VWDE: variants seen among roughly 807,000 people sequenced by gnomAD.
VWDE encodes the protein von Willebrand factor D and EGF domains.
A neutral mutation model predicts 178.4 loss-of-function variants in VWDE; 207 were observed. That is an observed-to-expected ratio of 1.16 (90% CI 1.04 to 1.30). The LOEUF (loss-of-function observed/expected upper bound fraction) is 1.30. Among genes scored for constraint, VWDE ranks in the 50% most tolerant of loss-of-function variants. VWDE has a pLI of 0.00. For synonymous variants in VWDE, 738 were observed against 651.4 expected (o/e 1.13, Z -2.02); for missense variants, 2,287 against 1,901.3 (o/e 1.20, Z -3.77).
intron 13 of VWDE, among the ~76,000 whole-genome samples, chr7:12,364,119 G>A (rs1782728803): frequency 6.6e-6 from 1 of 151,994 alleles, no homozygotes; most frequent in Non-Finnish European, 1.5e-5. Flanking sequence ...AAAGGAGAAG[G>A]CTAGAATGAA....
intron 2 of VWDE, among the ~76,000 whole-genome samples, chr7:12,391,498 G>A (rs1164011837): frequency 6.6e-6 from 1 of 152,150 alleles, no homozygotes; most frequent in Non-Finnish European, 1.5e-5. Context: ...TTCGTGTGAG[G>A]TTCTAGAAAC....
chr7:12,355,037 T>G (rs1782150605), intron 18 of VWDE, among the ~76,000 whole-genome samples: 1 of 152,156 alleles, frequency 6.6e-6, no homozygotes, highest in Admixed American at 6.5e-5. Flanking sequence ...ATACTAAAAT[T>G]TATGAGGCAA....
In VWDE at chr7:12,389,148, A is replaced by G; in HGVS notation, c.454T>C (p.Cys152Arg). 6.4e-7 allele frequency: 1 copy of G among 1,550,640 alleles called. No homozygotes were observed. Among genetic ancestry groups the G allele is most frequent in the Non-Finnish European group, 8.7e-7 (1 of 1,145,658 alleles). The change falls in exon 3 of 29, where the codon TGT (cysteine) becomes CGT (arginine). Residue 152 changes from cysteine to arginine, a missense_variant. Coordinates refer to ENST00000275358, the MANE Select transcript of VWDE (RefSeq NM_001135924.3). ...TTACCTTCCGCACAGTAGCCCATAC[A>G]TCCCTGAGTTGGTTGTAGTAAGTAT... is the stretch of plus-strand genomic sequence containing the variant. ...SVYLLQPTQG[C>R]MGYCAEAISD...
At chr7:12,364,009 A>G (rs979874086) in intron 13 of VWDE, among the ~76,000 whole-genome samples, 2 of 152,044 alleles carry the variant, frequency 1.3e-5, no homozygotes, top group African/African-American at 4.8e-5. Context: ...AGAATTTCTG[A>G]AACTGACTTA....
In VWDE at chr7:12,370,028, G is replaced by T; in HGVS notation, c.2278C>A (p.Pro760Thr). 6.4e-7 allele frequency: 1 copy of T among 1,551,490 alleles called. No homozygotes were observed. The highest frequency in any genetic ancestry group is 1.4e-5 in the African/African-American group (1 of 73,114). Reference protein sequence around the residue: ...WKRQNFHEFPPLFAFPSLSQT... With the variant: ...WKRQNFHEFPTLFAFPSLSQT... ...CTGAGACTCGGGAAAGCAAACAAAGGAGGAAACTCATGAAAGTTCTGCCGT... is the reference window on the plus strand; with the variant it reads ...CTGAGACTCGGGAAAGCAAACAAAGTAGGAAACTCATGAAAGTTCTGCCGT... Residue 760 changes from proline to threonine, a missense_variant, in exon 12 of 29, where the codon CCT becomes ACT. Pro to Thr is a conservative substitution (Grantham distance 38, BLOSUM62 -1). Coordinates refer to ENST00000275358, the MANE Select transcript of VWDE (RefSeq NM_001135924.3).
chr7:12,380,614 C>A lies in VWDE; in HGVS notation c.661G>T (p.Val221Leu), dbSNP rs1783798381. Residue 221 changes from valine to leucine, a missense_variant, in exon 5 of 29, where the codon GTG becomes TTG. Physicochemically the swap from Val to Leu is conservative, Grantham distance 32. Coordinates refer to ENST00000275358, the MANE Select transcript of VWDE (RefSeq NM_001135924.3). Reference protein sequence around the residue: ...SFDVPATKNSVGFHIAWSRLS... With the variant: ...SFDVPATKNSLGFHIAWSRLS... Reference sequence around the variant, plus strand: ...CTAGACCAAGCTATGTGAAATCCCACTGAGTTTTTTGTAGCGGGAACATCA... The same window carrying A: ...CTAGACCAAGCTATGTGAAATCCCAATGAGTTTTTTGTAGCGGGAACATCA... The A allele has an allele frequency of 6.4e-7, 1 of 1,552,216 alleles. No individual in the cohort carries two copies. The highest frequency in any genetic ancestry group is 8.7e-7 in the Non-Finnish European group (1 of 1,147,146).
At chr7:12,368,485 C>A (rs1782980622) in intron 12 of VWDE, among the ~76,000 whole-genome samples, 1 of 151,970 alleles carries the variant, frequency 6.6e-6, no homozygotes, top group Non-Finnish European at 1.5e-5. Context: ...AGTGCAAAGA[C>A]CCTGAGGTGG....
intron 10 of VWDE, 33 bp from the exon 11 acceptor site, chr7:12,370,897 A>C (rs779101049): frequency 6.9e-7 from 1 of 1,453,252 alleles, no homozygotes; most frequent in South Asian, 1.4e-5. Context: ...GAAATAAAAG[A>C]TGTTGAAGCA....
In VWDE at chr7:12,337,211, A is replaced by T. The variant is rs1300530001; in HGVS notation, c.4428T>A (p.Cys1476Ter). Residue 1476 changes from cysteine to a stop codon, truncating the protein, a stop_gained, in exon 25 of 29, where the codon TGT (cysteine) becomes TGA (stop). Coordinates refer to ENST00000275358, the MANE Select transcript of VWDE (RefSeq NM_001135924.3). LOFTEE classifies it high-confidence loss of function. ...GHCMRNNVCVCREGYTGRRFQ... is the reference protein window; with the variant it reads ...GHCMRNNVCV ...ATCTCCTACCAGTGTATCCTTCACG[A>T]CAGACGCACACATTATTTCTCATGC... 6.4e-7 allele frequency: 1 copy of T among 1,552,008 alleles called. No individual in the cohort carries two copies. The highest frequency in any genetic ancestry group is 8.7e-7 in the Non-Finnish European group (1 of 1,147,042).
intron 13 of VWDE, 29 bp downstream of exon 13, chr7:12,367,328 A>G (rs760430814): frequency 6.0e-6 from 9 of 1,505,500 alleles, no homozygotes; most frequent in Admixed American, 4.6e-5. Flanking sequence ...CATACACTCT[A>G]TTGTTTCTGA....
Position 12,342,973 on chromosome 7 carries a change from C to A in VWDE, c.4174+110G>T, listed in dbSNP as rs1781408741. ...TTGCGATAGTTTACAAGAACTATCA[C>A]AATGTGTGTTCTTTACGTAGAGTTT... On this transcript the variant is annotated intron_variant, in intron 22 of 28. Coordinates refer to ENST00000275358, the MANE Select transcript of VWDE (RefSeq NM_001135924.3). The A allele has an allele frequency of 1.4e-5, 10 of 721,624 alleles. No individual in the cohort carries two copies. In the South Asian group the frequency reaches 2.0e-4, roughly 14 times the overall value. The allele number at this position is 721,624 out of a possible 1,614,324, so 44.7% of individuals were successfully genotyped here.
At position 12,337,176 on chromosome 7, in the gene VWDE, C is replaced by A. The variant is rs1475044967; in HGVS notation, c.4462+1G>T. 1 of 1,551,636 alleles carries A rather than the reference C, an allele frequency of 6.4e-7. No individual in the cohort carries two copies. Among genetic ancestry groups the A allele is most frequent in the South Asian group, 1.2e-5 (1 of 84,042 alleles). ...GACAAATACATTTAGTGATGTCTTA[C>A]TTTTTTGGAATCTCCTACCAGTGTA... On this transcript the variant is annotated splice_donor_variant, in intron 25 of 28. Transcript: ENST00000275358. LOFTEE classifies it high-confidence loss of function.
chr7:12,370,272 G>A lies in VWDE; in HGVS notation c.2034C>T (p.Val678=), dbSNP rs781336462. ...TSEYINSDTL[V]REINKHTSPE... is the part of the protein sequence containing the mutation. ...GAGATGTATGCTTGTTTATCTCTCT[G>A]ACAAGAGTGTCTGAATTAATATATT... The change falls in exon 12 of 29, where the codon GTC becomes GTT. Residue 678 remains valine, a synonymous_variant. Transcript: ENST00000275358. 6.4e-7 allele frequency: 1 copy of A among 1,550,890 alleles called. No homozygotes were observed. The highest frequency in any genetic ancestry group is 8.7e-7 in the Non-Finnish European group (1 of 1,146,832).
intron 27 of VWDE, among the ~76,000 whole-genome samples, chr7:12,334,582 C>A (rs2128543893): frequency 6.6e-6 from 1 of 152,166 alleles, no homozygotes; most frequent in East Asian, 1.9e-4. Context: ...AATTTTCCAA[C>A]AGATGGTAGT....
chr7:12,356,239 C>T lies in VWDE; in HGVS notation c.3617G>A (p.Cys1206Tyr). The change falls in exon 18 of 29, where the codon TGC becomes TAC. Residue 1206 changes from cysteine to tyrosine, a missense_variant. Physicochemically the swap from Cys to Tyr is radical, Grantham distance 194 (BLOSUM62 -2). Coordinates refer to ENST00000275358, the MANE Select transcript of VWDE (RefSeq NM_001135924.3). Reference protein sequence around the residue: ...SPGSGVYLCVCLPGFHGSLCE... With the variant: ...SPGSGVYLCVYLPGFHGSLCE... ...AAGGCTGCCATGGAAGCCAGGCAAG[C>T]AGACACACAGGTACACTCCACTCCC... 6.4e-7 allele frequency: 1 copy of T among 1,551,560 alleles called. No individual in the cohort carries two copies. The highest frequency in any genetic ancestry group is 8.7e-7 in the Non-Finnish European group (1 of 1,146,970).
rs142421851 is a variant in VWDE, at chr7:12,351,311, A to T, written c.3886+262T>A. On this transcript the variant is annotated intron_variant, in intron 19 of 28. Coordinates refer to ENST00000275358, the MANE Select transcript of VWDE (RefSeq NM_001135924.3). ...GATTTATAAAATATAAGTTTGAAAT[A>T]GTCCCTTCCAACCATAAGCTTCTCC... Among the ~76,000 whole-genome samples the T allele has an allele frequency of 5.3e-3, 808 of 152,284 alleles. 4 individuals carry two copies. The highest frequency in any genetic ancestry group is 8.4e-3 in the Non-Finnish European group (568 of 68,000).
intron 23 of VWDE, 123 bp from the exon 24 acceptor site, chr7:12,340,540 A>C: frequency 1.6e-6 from 1 of 634,948 alleles, no homozygotes; most frequent in Non-Finnish European, 2.7e-6. Flanking sequence ...AAAGCCCATA[A>C]TGTATAATTA....
chr7:12,374,942 A>T (rs945080910), intron 8 of VWDE, 68 bp downstream of exon 8: 2 of 1,435,040 alleles, frequency 1.4e-6, no homozygotes, highest in Non-Finnish European at 1.9e-6. Context: ...AGTTTATAAG[A>T]CATAATGATA....
At chr7:12,348,124 G>A (rs1197448311) in intron 19 of VWDE, among the ~76,000 whole-genome samples, 1 of 151,644 alleles carries the variant, frequency 6.6e-6, no homozygotes, top group Non-Finnish European at 1.5e-5. Context: ...AAAAACCCTA[G>A]AAGAAAACCT....
Sources: allele counts gnomAD v4.1 joint callset (sites outside exome capture counted in the v4.1 genomes callset), GRCh38; gene constraint gnomAD v4.1.1; transcripts MANE v1.5; gene names NCBI Gene and HGNC (gene_info 2026-07-23, HGNC 2026-07-21).